Variants in IQCM observed in about 807,000 individuals in gnomAD.
IQCM encodes the protein IQ domain-containing protein M.
Under a neutral mutation model 57.6 loss-of-function variants are expected in IQCM, and 45 were observed. The ratio of observed to expected loss-of-function variants is 0.78; its 90% confidence interval spans 0.62 to 1.00. IQCM has a LOEUF of 1.00. Ranked by LOEUF, IQCM falls within the 50% of genes least tolerant of loss-of-function variation. The pLI, the probability that IQCM is intolerant of heterozygous loss-of-function variation, is 0.00. For synonymous variants in IQCM, 148 were observed against 158.9 expected (o/e 0.93, Z 0.51); for missense variants, 468 against 511.6 (o/e 0.91, Z 0.82).
chr4:149,384,859 C>T (rs757238379), intron 13 of IQCM, among the ~76,000 whole-genome samples: 1 of 151,856 alleles, frequency 6.6e-6, no homozygotes, highest in Non-Finnish European at 1.5e-5. Context: ...TTATTTGCCA[C>T]TTGGTTAAAT....
intron 2 of IQCM, among the ~76,000 whole-genome samples, chr4:149,811,102 A>G (rs1774525776): frequency 6.6e-6 from 1 of 152,186 alleles, no homozygotes; most frequent in African/African-American, 2.4e-5. Flanking sequence ...TTATATTTCA[A>G]AGTCTTTACA....
chr4:149,398,940 G>T (rs1174105794), intron 13 of IQCM, among the ~76,000 whole-genome samples: 1 of 151,934 alleles, frequency 6.6e-6, no homozygotes, highest in African/African-American at 2.4e-5. Flanking sequence ...TCACTATGTT[G>T]CCCAGGCTGG....
intron 13 of IQCM, among the ~76,000 whole-genome samples, chr4:149,356,157 T>C (rs1728960626): frequency 1.3e-5 from 2 of 152,238 alleles, no homozygotes; most frequent in Non-Finnish European, 2.9e-5. Flanking sequence ...GTTTGTCAGA[T>C]GAGTAAGTTG....
At chr4:149,467,854 A>G (rs1739027987) in intron 12 of IQCM, among the ~76,000 whole-genome samples, 1 of 152,150 alleles carries the variant, frequency 6.6e-6, no homozygotes, top group Non-Finnish European at 1.5e-5. Flanking sequence ...GCTGCCTCCC[A>G]TTGGCTATAC....
At chr4:149,452,671 T>A (rs992765212) in intron 12 of IQCM, among the ~76,000 whole-genome samples, 6 of 151,644 alleles carry the variant, frequency 4.0e-5, no homozygotes, top group African/African-American at 1.5e-4. Flanking sequence ...CATGAAACTA[T>A]CACCATCATC....
At position 149,476,717 on chromosome 4, in the gene IQCM, GA is replaced by G. The variant is rs112787675; in HGVS notation, c.1229-43161del. 2.6e-5 allele frequency among the ~76,000 whole-genome samples: 4 copies of G among 152,002 alleles called. No individual in the cohort carries two copies. The South Asian group carries it at 6.2e-4, about 24-fold the overall frequency. ...ACTAGATTTAGTCTAAGCTCTAGGG[GA>G]AAAAATGCTTAATTTTTTTCCTTTA... is the stretch of plus-strand genomic sequence containing the variant. On this transcript the variant is annotated intron_variant, in intron 12 of 13. Transcript: ENST00000636793.
At chr4:149,641,160 A>G (rs1483218316) in intron 7 of IQCM, among the ~76,000 whole-genome samples, 1 of 152,222 alleles carries the variant, frequency 6.6e-6, no homozygotes, top group Non-Finnish European at 1.5e-5. Flanking sequence ...ATTGATGCTC[A>G]AATATTAAAC....
At chr4:149,792,004 A>T (rs908197288) in intron 2 of IQCM, among the ~76,000 whole-genome samples, 2 of 152,186 alleles carry the variant, frequency 1.3e-5, no homozygotes, top group Non-Finnish European at 2.9e-5. Context: ...CAGAGACTAA[A>T]CTGATGCAAA....
chr4:149,525,375 A>C (rs1746056082), intron 12 of IQCM, among the ~76,000 whole-genome samples: 1 of 151,964 alleles, frequency 6.6e-6, no homozygotes, highest in Non-Finnish European at 1.5e-5. Context: ...AAAATATGTG[A>C]TTCATAAATG....
At chr4:149,538,112 T>C (rs1747484450) in intron 12 of IQCM, among the ~76,000 whole-genome samples, 1 of 151,482 alleles carries the variant, frequency 6.6e-6, no homozygotes, top group Non-Finnish European at 1.5e-5. Flanking sequence ...TATAACAGTA[T>C]AAAAGATATC....
At chr4:149,752,915 T>C (rs1768591351) in intron 2 of IQCM, among the ~76,000 whole-genome samples, 1 of 152,150 alleles carries the variant, frequency 6.6e-6, no homozygotes, top group Non-Finnish European at 1.5e-5. Flanking sequence ...AGACATGTCT[T>C]ACCACCACGC....
At chr4:149,594,001 T>C (rs1022994554) in intron 8 of IQCM, among the ~76,000 whole-genome samples, 3 of 152,214 alleles carry the variant, frequency 2.0e-5, no homozygotes, top group Non-Finnish European at 4.4e-5. Context: ...TCCCTCTTTT[T>C]CTATTGATTG....
intron 7 of IQCM, among the ~76,000 whole-genome samples, chr4:149,653,723 C>A (rs1466550988): frequency 6.6e-6 from 1 of 151,986 alleles, no homozygotes; most frequent in East Asian, 1.9e-4. Context: ...GAAATGTGGA[C>A]CTGTACATTT....
chr4:149,697,499 G>A (rs550459887), intron 5 of IQCM, among the ~76,000 whole-genome samples: 10 of 152,012 alleles, frequency 6.6e-5, no homozygotes, highest in Admixed American at 3.3e-4. Context: ...AATCAGCCAG[G>A]GTGAGAATAT....
intron 7 of IQCM, among the ~76,000 whole-genome samples, chr4:149,633,578 A>T (rs1308040524): frequency 6.6e-6 from 1 of 152,234 alleles, no homozygotes; most frequent in Non-Finnish European, 1.5e-5. Context: ...CAAATTCAAC[A>T]TAATGTGGTT....
intron 5 of IQCM, among the ~76,000 whole-genome samples, chr4:149,703,678 AAT>A (rs1212972654): frequency 6.6e-6 from 1 of 151,976 alleles, no homozygotes; most frequent in Non-Finnish European, 1.5e-5. Flanking sequence ...CCATCAATAA[AAT>A]TAGAGAATAG....
chr4:149,750,604 T>C (rs1289418623), intron 2 of IQCM, among the ~76,000 whole-genome samples: 1 of 152,238 alleles, frequency 6.6e-6, no homozygotes, highest in Non-Finnish European at 1.5e-5. Context: ...AATTGTGGCA[T>C]GTTGTGACTC....
chr4:149,563,589 A>G (rs1052417553), intron 10 of IQCM, 103 bp downstream of exon 10: 16 of 834,424 alleles, frequency 1.9e-5, no homozygotes, highest in Admixed American at 1.7e-4. Context: ...TCTATCTCCA[A>G]AAAAAAAAGT....
intron 12 of IQCM, among the ~76,000 whole-genome samples, chr4:149,501,124 C>T (rs968002561): frequency 6.6e-6 from 1 of 152,182 alleles, no homozygotes; most frequent in Non-Finnish European, 1.5e-5. Flanking sequence ...TCTTCAGTGA[C>T]TTTCCTTTGC....
Sources: gnomAD v4.1 joint callset for allele counts (sites outside exome capture counted in the v4.1 genomes callset) on GRCh38, gnomAD v4.1.1 for gene constraint, MANE v1.5 for transcripts, NCBI Gene and HGNC (gene_info 2026-07-23, HGNC 2026-07-21) for gene names.